Variants in ANKIB1 observed in about 807,000 individuals in gnomAD.
The protein encoded by ANKIB1 is ankyrin repeat and IBR domain-containing protein 1.
A neutral mutation model predicts 122.1 loss-of-function variants in ANKIB1; 43 were observed. The observed-to-expected ratio is 0.35, with a 90% CI of 0.28 to 0.45. ANKIB1 has a LOEUF of 0.45. Among genes scored for constraint, ANKIB1 ranks in the 20% least tolerant of loss-of-function variants. The probability of loss-of-function intolerance (pLI) is 1.00; values close to 1 mark genes in which losing one functional copy is unlikely to be tolerated. For missense variants in ANKIB1, 992 were observed against 1,329.5 expected (o/e 0.75, Z 3.95); for synonymous variants, 390 against 442.0 (o/e 0.88, Z 1.48).
intron 5 of ANKIB1, among the ~76,000 whole-genome samples, chr7:92,336,594 G>T (rs1803293040): frequency 6.6e-6 from 1 of 151,970 alleles, no homozygotes; most frequent in African/African-American, 2.4e-5. Flanking sequence ...TTGAGATTTG[G>T]AGAGTCTATA....
chr7:92,270,460 G>A (rs1442206238), intron 1 of ANKIB1, among the ~76,000 whole-genome samples: 1 of 152,150 alleles, frequency 6.6e-6, no homozygotes, highest in African/African-American at 2.4e-5. Context: ...CAAATAAGTT[G>A]GGGTAGGGGA....
intron 1 of ANKIB1, among the ~76,000 whole-genome samples, chr7:92,285,888 TCC>T (rs1562771052): frequency 1.3e-5 from 2 of 152,216 alleles, no homozygotes; most frequent in Non-Finnish European, 2.9e-5. Flanking sequence ...CCTGTGCAGA[TCC>T]CCAGCTTCAA....
Position 92,371,505 on chromosome 7 carries a change from TGCC to T in ANKIB1, c.1519_1521del (p.Ala507del). 1 of 1,606,884 alleles carries T rather than the reference TGCC, an allele frequency of 6.2e-7. No homozygotes were observed. The highest frequency in any genetic ancestry group is 8.5e-7 in the Non-Finnish European group (1 of 1,176,262). On this transcript the variant is annotated inframe_deletion, in exon 11 of 20. Coordinates refer to ENST00000265742, the MANE Select transcript of ANKIB1 (RefSeq NM_019004.2). ...TGGGAGTTAGTGAAGCCTACGAGGA[TGCC>T]GCCAATTGTCTCTGGTTATTAACTA...
At chr7:92,309,942 A>AAAAAAAAAATATATATATATATATAT (rs1335765681) in intron 3 of ANKIB1, among the ~76,000 whole-genome samples, 1 of 91,816 alleles carries the variant, frequency 1.1e-5, no homozygotes, top group African/African-American at 4.8e-5. Flanking sequence ...AAAAAAAAAA[A>AAAAAAAAAATATATATATATATATAT]ATATATATAT....
At chr7:92,363,629 G>A (rs1804002328) in intron 10 of ANKIB1, among the ~76,000 whole-genome samples, 2 of 152,226 alleles carry the variant, frequency 1.3e-5, no homozygotes, top group South Asian at 2.1e-4. Flanking sequence ...AGTGAGCTAT[G>A]AACTGGAGTT....
At chr7:92,250,250 G>A (rs1489901840) in intron 1 of ANKIB1, among the ~76,000 whole-genome samples, 2 of 152,148 alleles carry the variant, frequency 1.3e-5, no homozygotes, top group African/African-American at 2.4e-5. Flanking sequence ...AAAATTAGCC[G>A]AGCGTGGTGG....
At chr7:92,378,270 G>A (rs1804430863) in intron 11 of ANKIB1, among the ~76,000 whole-genome samples, 1 of 151,848 alleles carries the variant, frequency 6.6e-6, no homozygotes, top group African/African-American at 2.4e-5. Flanking sequence ...TACCAATTGA[G>A]CACCCCTAAT....
At chr7:92,394,326 G>A (rs1251840066) in intron 17 of ANKIB1, among the ~76,000 whole-genome samples, 3 of 152,246 alleles carry the variant, frequency 2.0e-5, no homozygotes, top group African/African-American at 7.2e-5. Flanking sequence ...ACCATTTGGA[G>A]TATACTGACT....
At chr7:92,315,377 C>T (rs1802775492) in intron 3 of ANKIB1, among the ~76,000 whole-genome samples, 1 of 152,120 alleles carries the variant, frequency 6.6e-6, no homozygotes, top group South Asian at 2.1e-4. Flanking sequence ...AATATAGACA[C>T]TCATTTAGAA....
At chr7:92,281,239 T>C (rs555031213) in intron 1 of ANKIB1, among the ~76,000 whole-genome samples, 22 of 152,350 alleles carry the variant, frequency 1.4e-4, no homozygotes, top group African/African-American at 5.3e-4. Context: ...AAGGTTTTGA[T>C]TGACAGCTGG....
chr7:92,293,947 T>C (rs1283258816), intron 1 of ANKIB1, among the ~76,000 whole-genome samples: 1 of 152,244 alleles, frequency 6.6e-6, no homozygotes, highest in Non-Finnish European at 1.5e-5. Flanking sequence ...GTAGGTACTT[T>C]AAGTAACTCT....
chr7:92,270,402 A>C (rs753918536), intron 1 of ANKIB1, among the ~76,000 whole-genome samples: 2 of 152,158 alleles, frequency 1.3e-5, no homozygotes, highest in African/African-American at 2.4e-5. Flanking sequence ...ATAATGAGCC[A>C]AAAAGACACT....
intron 3 of ANKIB1, among the ~76,000 whole-genome samples, chr7:92,317,086 G>C (rs1187131564): frequency 6.6e-6 from 1 of 152,150 alleles, no homozygotes; most frequent in African/African-American, 2.4e-5. Context: ...TTAGGTGTTG[G>C]TAACCTGTGA....
chr7:92,355,247 C>G (rs988553345), intron 9 of ANKIB1, among the ~76,000 whole-genome samples: 11 of 149,322 alleles, frequency 7.4e-5, no homozygotes, highest in Non-Finnish European at 1.3e-4. Context: ...AAACCAATGA[C>G]TTTTCCTCTT....
At chr7:92,312,199 C>T (rs1802705492) in intron 3 of ANKIB1, among the ~76,000 whole-genome samples, 1 of 152,132 alleles carries the variant, frequency 6.6e-6, no homozygotes, top group Non-Finnish European at 1.5e-5. Context: ...GTTGAATCCT[C>T]ATTTTGGCAT....
intron 7 of ANKIB1, among the ~76,000 whole-genome samples, chr7:92,350,648 A>G (rs1322950675): frequency 2.0e-5 from 3 of 152,156 alleles, no homozygotes; most frequent in East Asian, 3.9e-4. Context: ...GCTTGAGACC[A>G]GGGGTTCGAG....
chr7:92,333,352 C>CA (rs1803216857), intron 5 of ANKIB1, among the ~76,000 whole-genome samples: 1 of 152,172 alleles, frequency 6.6e-6, no homozygotes, highest in Non-Finnish European at 1.5e-5. Context: ...GCTATAGCTA[C>CA]ACTGACCTTT....
chr7:92,373,893 G>A (rs1332893909), intron 11 of ANKIB1, among the ~76,000 whole-genome samples: 2 of 152,082 alleles, frequency 1.3e-5, no homozygotes, highest in African/African-American at 2.4e-5. Flanking sequence ...AATTTAAATT[G>A]TGCATTCTTA....
intron 9 of ANKIB1, among the ~76,000 whole-genome samples, chr7:92,354,870 T>C (rs913328366): frequency 6.6e-6 from 1 of 152,178 alleles, no homozygotes; most frequent in Non-Finnish European, 1.5e-5. Flanking sequence ...TAAACGCAAA[T>C]GATTCTGGTT....
Sources: gnomAD v4.1 joint callset for allele counts (sites outside exome capture counted in the v4.1 genomes callset) on GRCh38, gnomAD v4.1.1 for gene constraint, MANE v1.5 for transcripts, NCBI Gene and HGNC (gene_info 2026-07-23, HGNC 2026-07-21) for gene names.